ACOXL: variants seen among roughly 807,000 people sequenced by gnomAD.
ACOXL encodes the protein acyl-coenzyme A oxidase-like protein.
In ACOXL, 70 loss-of-function variants were observed where a neutral mutation model predicts 71.9. That is an observed-to-expected ratio of 0.97 (90% CI 0.80 to 1.19). The LOEUF is 1.19. Ranked by LOEUF, ACOXL falls within the 50% of genes most tolerant of loss-of-function variation. ACOXL has a pLI of 0.00. For synonymous variants in ACOXL, 253 were observed against 281.6 expected, an observed-to-expected ratio of 0.90 and a Z score of 1.02; for missense variants, 703 against 736.3, an observed-to-expected ratio of 0.95 and a Z score of 0.52.
At chr2:110,733,495 A>T (rs1676452161) in intron 1 of ACOXL, among the ~76,000 whole-genome samples, 1 of 152,194 alleles carries the variant, frequency 6.6e-6, no homozygotes, top group Non-Finnish European at 1.5e-5. Context: ...CATTTCAAGC[A>T]GTCTGAAAAG....
At chr2:110,913,914 C>T (rs772672608) in intron 11 of ACOXL, among the ~76,000 whole-genome samples, 2 of 152,136 alleles carry the variant, frequency 1.3e-5, no homozygotes, top group Non-Finnish European at 2.9e-5. Context: ...AATCCACCCC[C>T]GTGACCCAAA....
At chr2:110,842,786 G>A (rs1297303285) in intron 10 of ACOXL, among the ~76,000 whole-genome samples, 1 of 152,180 alleles carries the variant, frequency 6.6e-6, no homozygotes, top group Non-Finnish European at 1.5e-5. Context: ...AGGGGAAGGG[G>A]AAGGTGAGAG....
chr2:110,880,168 A>AAAAG (rs1558664594), intron 10 of ACOXL, among the ~76,000 whole-genome samples: 4 of 150,794 alleles, frequency 2.7e-5, no homozygotes, highest in African/African-American at 9.7e-5. Flanking sequence ...AAAAAAAAAA[A>AAAAG]AAAAGAAAAG....
chr2:110,950,083 G>C (rs1250892427), intron 12 of ACOXL, among the ~76,000 whole-genome samples: 1 of 151,118 alleles, frequency 6.6e-6, no homozygotes, highest in African/African-American at 2.4e-5. Flanking sequence ...TAAGTTTTAG[G>C]GTACATGTGC....
chr2:111,019,065 A>G (rs2064613751), intron 14 of ACOXL, among the ~76,000 whole-genome samples: 2 of 152,218 alleles, frequency 1.3e-5, no homozygotes, highest in South Asian at 2.1e-4. Flanking sequence ...TTTCTGCCTT[A>G]TGTCAGCTTT....
intron 9 of ACOXL, among the ~76,000 whole-genome samples, chr2:110,836,182 G>A (rs1253404865): frequency 6.6e-6 from 1 of 152,218 alleles, no homozygotes; most frequent in African/African-American, 2.4e-5. Context: ...TGGTGCCTGG[G>A]GACGACCAGC....
chr2:110,875,136 T>A (rs1695750916), intron 10 of ACOXL, among the ~76,000 whole-genome samples: 1 of 152,038 alleles, frequency 6.6e-6, no homozygotes, highest in Admixed American at 6.5e-5. Context: ...ACAGTTAGAG[T>A]GAGGCCGACT....
At chr2:111,066,587 A>C (rs1431721607) in intron 16 of ACOXL, among the ~76,000 whole-genome samples, 1 of 152,246 alleles carries the variant, frequency 6.6e-6, no homozygotes, top group Non-Finnish European at 1.5e-5. Context: ...TGACAATTGC[A>C]TGTAAATCTA....
intron 12 of ACOXL, among the ~76,000 whole-genome samples, chr2:110,950,810 G>GGAGAGAGA (rs71383892): frequency 0.015 from 2,178 of 142,834 alleles, 65 homozygotes; most frequent in African/African-American, 0.052. Flanking sequence ...GGTGGGGGGT[G>GGAGAGAGA]GAGAGAGAGA....
At chr2:111,089,631 T>C (rs998870892) in intron 16 of ACOXL, among the ~76,000 whole-genome samples, 1 of 152,208 alleles carries the variant, frequency 6.6e-6, no homozygotes, top group Non-Finnish European at 1.5e-5. Flanking sequence ...TAGGGATGTA[T>C]ATATGTATGT....
At position 110,902,759 on chromosome 2, in the gene ACOXL, A is replaced by G. The variant is rs189707529; in HGVS notation, c.789-6030A>G. On this transcript the variant is annotated intron_variant, in intron 10 of 17. Transcript: ENST00000439055. The stretch of plus-strand genomic sequence containing the variant: ...TAAAATATTTGCCCTCTGAGTTTGT[A>G]TGTCTAGGAGTGCCCCAGAGAAGGG... 4.6e-5 allele frequency among the ~76,000 whole-genome samples: 7 copies of G among 152,310 alleles called. No individual in the cohort carries two copies. In the East Asian group the frequency reaches 1.4e-3, roughly 29 times the overall value.
intron 12 of ACOXL, among the ~76,000 whole-genome samples, chr2:110,964,618 C>T (rs1356804290): frequency 3.9e-5 from 6 of 152,232 alleles, no homozygotes; most frequent in Admixed American, 6.5e-5. Context: ...ATTGCTCCTA[C>T]GCTACACACC....
intron 16 of ACOXL, among the ~76,000 whole-genome samples, chr2:111,070,717 T>C (rs2149926327): frequency 6.6e-6 from 1 of 152,316 alleles, no homozygotes; most frequent in East Asian, 1.9e-4. Context: ...GCTTGTTGAT[T>C]TTACTTCTTG....
chr2:111,076,611 TTTTA>T (rs1399307671), intron 16 of ACOXL, among the ~76,000 whole-genome samples: 3 of 152,226 alleles, frequency 2.0e-5, no homozygotes, highest in Non-Finnish European at 4.4e-5. Context: ...AGGTCTGTCA[TTTTA>T]TTTGTTTTCT....
At chr2:110,877,217 C>T (rs572158238) in intron 10 of ACOXL, among the ~76,000 whole-genome samples, 7 of 152,244 alleles carry the variant, frequency 4.6e-5, no homozygotes, top group East Asian at 1.9e-4. Context: ...TGAGGCGGCA[C>T]GCAGAGGGTC....
intron 10 of ACOXL, among the ~76,000 whole-genome samples, chr2:110,878,932 C>T (rs1696268989): frequency 6.6e-6 from 1 of 151,788 alleles, no homozygotes; most frequent in Non-Finnish European, 1.5e-5. Flanking sequence ...GTGGTGGGTG[C>T]CTGTAATTCC....
intron 16 of ACOXL, among the ~76,000 whole-genome samples, chr2:111,088,842 A>G (rs1574725390): frequency 1.3e-5 from 2 of 152,226 alleles, no homozygotes; most frequent in African/African-American, 2.4e-5. Context: ...ATTAATATAA[A>G]TCCAAGTTAA....
At chr2:110,798,405 C>T (rs574270683) in intron 5 of ACOXL, among the ~76,000 whole-genome samples, 14 of 152,106 alleles carry the variant, frequency 9.2e-5, no homozygotes, top group African/African-American at 7.2e-5. Flanking sequence ...TACAGGCACC[C>T]GCCACCATGC....
chr2:110,836,796 TG>T (rs1408758811), intron 9 of ACOXL, among the ~76,000 whole-genome samples: 2 of 152,192 alleles, frequency 1.3e-5, no homozygotes, highest in Non-Finnish European at 2.9e-5. Flanking sequence ...AGGGAAGCCT[TG>T]GAAGAAATAG....
Sources: allele counts gnomAD v4.1 joint callset (sites outside exome capture counted in the v4.1 genomes callset), GRCh38; gene constraint gnomAD v4.1.1; transcripts MANE v1.5; gene names NCBI Gene and HGNC (gene_info 2026-07-23, HGNC 2026-07-21).